The following VPS53 variants were observed in gnomAD, a reference collection of about 807,000 sequenced individuals.
VPS53 encodes VPS53 subunit of GARP complex, also known as vacuolar protein sorting-associated protein 53 homolog.
In VPS53, 70 loss-of-function variants were observed where a neutral mutation model predicts 107.0. The ratio of observed to expected loss-of-function variants is 0.65; its 90% CI spans 0.54 to 0.80. VPS53 has a LOEUF of 0.80. VPS53 is among the 30% of genes least tolerant of loss of function. The pLI, the probability that VPS53 is intolerant of heterozygous loss-of-function variation, is 0.00. For missense variants in VPS53, 917 were observed against 1,049.4 expected, an observed-to-expected ratio of 0.87 and a Z score of 1.74; for synonymous variants, 409 against 393.3, an observed-to-expected ratio of 1.04 and a Z score of -0.47.
intron 9 of VPS53, 25 bp from the exon 10 acceptor site, chr17:627,341 C>G (rs755135029): frequency 1.2e-6 from 2 of 1,607,318 alleles, no homozygotes; most frequent in South Asian, 2.2e-5. Context: ...GATCAAAAGC[C>G]ACCCCAGTGG....
chr17:519,357 G>C lies in VPS53; in HGVS notation c.2329-59C>G, dbSNP rs984244010. 1.3e-5 allele frequency: 18 copies of C among 1,427,260 alleles called. No homozygotes were observed. In the African/African-American group the frequency reaches 2.2e-4, roughly 17 times the overall value. 88.4% of individuals were successfully genotyped at this position (1,427,260 alleles called of 1,614,324 possible). A position where few individuals can be genotyped will look rare whatever the true frequency, so the allele number is the denominator to read the frequency against. ...GTCTGGGCCAGAATGGCCCACGGGG[G>C]ACAGCGCAGTATCTGGATATGGGGT... On this transcript the variant is annotated intron_variant, in intron 21 of 21. Coordinates refer to ENST00000437048, the MANE Select transcript of VPS53 (RefSeq NM_001128159.3). The surrounding 1 kb of genome is among the most constrained non-coding windows in gnomAD (Gnocchi z 5.0).
chr17:526,496 GA>G (rs1473160757), intron 19 of VPS53, among the ~76,000 whole-genome samples: 3 of 152,216 alleles, frequency 2.0e-5, no homozygotes, highest in African/African-American at 4.8e-5. Context: ...AAGGCAGTCA[GA>G]AAAGGCGGGA....
chr17:521,507 G>T, intron 20 of VPS53, 94 bp downstream of exon 20: 1 of 1,287,450 alleles, frequency 7.8e-7, no homozygotes, highest in Non-Finnish European at 1.0e-6. Flanking sequence ...TTTGAGGCCG[G>T]TGAGGATAGG....
intron 11 of VPS53, among the ~76,000 whole-genome samples, chr17:620,205 C>T (rs992015913): frequency 4.6e-5 from 7 of 152,186 alleles, no homozygotes; most frequent in Non-Finnish European, 1.5e-5. Context: ...TAGGCAGGAC[C>T]TTGTGGTCTG....
intron 18 of VPS53, among the ~76,000 whole-genome samples, chr17:535,377 A>G (rs1250867750): frequency 2.0e-5 from 3 of 151,670 alleles, no homozygotes. Context: ...CATATGACTG[A>G]GCTGGGAGAC....
intron 10 of VPS53, among the ~76,000 whole-genome samples, chr17:626,880 G>C (rs1427776641): frequency 6.6e-6 from 1 of 152,180 alleles, no homozygotes; most frequent in Admixed American, 6.5e-5. Context: ...ACCGACTAGG[G>C]GAAAACGTGG....
intron 18 of VPS53, 62 bp downstream of exon 18, chr17:536,966 C>T: frequency 1.3e-6 from 2 of 1,591,982 alleles, no homozygotes; most frequent in Non-Finnish European, 8.6e-7. Flanking sequence ...TGAAACTGTT[C>T]TAAAACATAA....
At chr17:689,781 G>A (rs368130900) in intron 4 of VPS53, among the ~76,000 whole-genome samples, 9 of 152,038 alleles carry the variant, frequency 5.9e-5, no homozygotes, top group African/African-American at 1.9e-4. Flanking sequence ...GCCTATTTTC[G>A]TTCTAATGCT....
At position 512,174 on chromosome 17, in the gene VPS53, T is replaced by G. The variant is rs1907986139; in HGVS notation, c.*6954A>C. ...ACACGGCCGCAGGATTTGTCACCAC[T>G]CATCCATGTTTAAAAAAGCCAGTCC... On this transcript the variant is annotated 3_prime_UTR_variant, in exon 22 of 22. Transcript: ENST00000437048. 1 of 152,158 alleles carries G rather than the reference T, an allele frequency of 6.6e-6. No homozygotes were observed. The highest frequency in any genetic ancestry group is 2.1e-4 in the South Asian group (1 of 4,824). 9.4% of individuals were successfully genotyped at this position (152,158 alleles called of 1,614,324 possible). A position where few individuals can be genotyped will look rare whatever the true frequency, so the allele number is the denominator to read the frequency against.
intron 19 of VPS53, chr17:531,946 T>G (rs7216974): frequency 1.9e-5 from 2 of 103,000 alleles, no homozygotes; most frequent in Admixed American, 9.0e-5. Context: ...TGGCTAATTG[T>G]TTTTTTTTTT....
At chr17:624,990 CTCT>C (rs1401689912) in intron 10 of VPS53, among the ~76,000 whole-genome samples, 3 of 116,574 alleles carry the variant, frequency 2.6e-5, no homozygotes, top group African/African-American at 6.3e-5. Context: ...GTCTTTCTCT[CTCT>C]TCTTTTTTTT....
chr17:627,199 C>T lies in VPS53; in HGVS notation c.949G>A (p.Ala317Thr), dbSNP rs1243481797. 6.2e-7 allele frequency: 1 copy of T among 1,613,086 alleles called. No homozygotes were observed. The change falls in exon 10 of 22, where the codon GCG (alanine) becomes ACG (threonine). Residue 317 changes from alanine (A) to threonine (T), a missense_variant. Physicochemically the swap from Ala to Thr is moderately conservative, Grantham distance 58. Coordinates refer to ENST00000437048, the MANE Select transcript of VPS53 (RefSeq NM_001128159.3). Reference sequence around the variant, plus strand: ...CTTGTCACATGGCAAAATTCCACCGCAATCCTCTCAGCCATGCACCACTCA... The same window carrying T: ...CTTGTCACATGGCAAAATTCCACCGTAATCCTCTCAGCCATGCACCACTCA... ...PREWCMAERI[A>T]VEFCHVTRAE...
chr17:582,546 GC>G (rs1182209171), intron 13 of VPS53, among the ~76,000 whole-genome samples: 1 of 148,416 alleles, frequency 6.7e-6, no homozygotes, highest in Non-Finnish European at 1.5e-5. Flanking sequence ...GAAGCTCAAT[GC>G]GTTCCCAGAG....
At chr17:536,869 G>T in intron 18 of VPS53, 159 bp downstream of exon 18, 1 of 833,036 alleles carries the variant, frequency 1.2e-6, no homozygotes, top group Non-Finnish European at 1.8e-6. Context: ...TGTGTGGGGA[G>T]GTGTCGGTAA....
chr17:659,307 A>G (rs430503), intron 5 of VPS53, among the ~76,000 whole-genome samples: 150,820 of 152,278 alleles, frequency 0.99, 74,711 homozygotes, highest in East Asian at 1. Flanking sequence ...TTTTTGAGAT[A>G]GAGTTTCGCT....
At chr17:620,271 A>G (rs1247266171) in intron 11 of VPS53, among the ~76,000 whole-genome samples, 2 of 152,228 alleles carry the variant, frequency 1.3e-5, no homozygotes, top group Admixed American at 6.5e-5. Flanking sequence ...CTGAAAGGCC[A>G]GCCCGATTCA....
intron 6 of VPS53, 96 bp from the exon 7 acceptor site, chr17:653,506 A>T (rs1971046246): frequency 6.4e-7 from 1 of 1,564,216 alleles, no homozygotes; most frequent in African/African-American, 1.4e-5. Context: ...ACAGATATCA[A>T]CTCAGCTGAA....
chr17:708,912 T>C (rs1403532101), intron 2 of VPS53, among the ~76,000 whole-genome samples: 3 of 152,244 alleles, frequency 2.0e-5, no homozygotes, highest in Admixed American at 6.5e-5. Flanking sequence ...CTTTATTATA[T>C]TGGAACAGGT....
chr17:549,340 A>C (rs2151834447), intron 17 of VPS53, among the ~76,000 whole-genome samples: 1 of 152,212 alleles, frequency 6.6e-6, no homozygotes, highest in Middle Eastern at 3.4e-3. Flanking sequence ...TTTTGCTAGA[A>C]CTCCAGAAGA....
Sources: gnomAD v4.1 joint callset for allele counts (sites outside exome capture counted in the v4.1 genomes callset) on GRCh38, gnomAD v4.1.1 for gene constraint, Gnocchi (gnomAD v3.1) non-coding constraint, MANE v1.5 for transcripts, NCBI Gene and HGNC (gene_info 2026-07-23, HGNC 2026-07-21) for gene names.